Variants in COL4A3 observed in about 807,000 individuals in gnomAD.
COL4A3 encodes the protein collagen type IV alpha 3 chain.
A neutral mutation model predicts 217.4 loss-of-function variants in COL4A3; 135 were observed. The ratio of observed to expected loss-of-function variants is 0.62; its 90% CI spans 0.54 to 0.72. COL4A3 has a LOEUF of 0.72. Among genes scored for constraint, COL4A3 ranks in the 30% least tolerant of loss-of-function variants. COL4A3 has a pLI of 0.00. For synonymous variants in COL4A3, 690 were observed against 736.3 expected, an observed-to-expected ratio of 0.94 and a Z score of 1.02; for missense variants, 1,868 against 2,119.9, an observed-to-expected ratio of 0.88 and a Z score of 2.33.
At chr2:227,231,364 T>A (rs2068395854) in intron 1 of COL4A3, among the ~76,000 whole-genome samples, 1 of 140,890 alleles carries the variant, frequency 7.1e-6, no homozygotes, top group African/African-American at 2.6e-5. Flanking sequence ...TTATTTTTTA[T>A]ATTATTTAAA....
chr2:227,293,740 C>T (rs1391107502), intron 38 of COL4A3: 1 of 471,348 alleles, frequency 2.1e-6, no homozygotes, highest in African/African-American at 2.0e-5. Flanking sequence ...TATTTTCTCA[C>T]AGTTCCAGCA....
At chr2:227,227,578 T>G (rs915435544) in intron 1 of COL4A3, among the ~76,000 whole-genome samples, 2 of 152,048 alleles carry the variant, frequency 1.3e-5, no homozygotes, top group African/African-American at 4.8e-5. Flanking sequence ...AGAATATGAC[T>G]GACCCTGGGT....
intron 19 of COL4A3, 143 bp downstream of exon 19, chr2:227,260,020 T>C (rs1295181508): frequency 6.5e-6 from 5 of 769,802 alleles, no homozygotes; most frequent in African/African-American, 1.7e-5. Context: ...GTGTTATTTT[T>C]TGATGTCTCC....
intron 1 of COL4A3, among the ~76,000 whole-genome samples, chr2:227,202,955 A>G (rs867177357): frequency 7.8e-4 from 13 of 16,664 alleles, no homozygotes; most frequent in Admixed American, 2.7e-3. Flanking sequence ...GTATATATAC[A>G]TATATGTGTA....
chr2:227,310,876 G>A lies in COL4A3; in HGVS notation c.4856G>A (p.Arg1619Lys). ...AGCCCATTTCTAGAATGTCATGGAA[G>A]AGGAACGTGCAACTACTATTCAAAT... ...RASPFLECHG[R>K]GTCNYYSNSY... The change falls in exon 51 of 52, where the codon AGA becomes AAA. Residue 1619 changes from arginine to lysine, a missense_variant. By Grantham distance (26) the Arg-to-Lys change is conservative. Transcript: ENST00000396578. 6.2e-7 allele frequency: 1 copy of A among 1,614,154 alleles called. No homozygotes were observed. Among genetic ancestry groups the A allele is most frequent in the Non-Finnish European group, 8.5e-7 (1 of 1,180,022 alleles).
intron 20 of COL4A3, 44 bp downstream of exon 20, chr2:227,261,161 A>G: frequency 6.8e-7 from 1 of 1,478,788 alleles, no homozygotes; most frequent in Non-Finnish European, 9.4e-7. Flanking sequence ...TGCTATTACA[A>G]AGGAAAATAA....
At chr2:227,306,570 AATTTGG>A (rs1245280645) in intron 47 of COL4A3, among the ~76,000 whole-genome samples, 1 of 152,110 alleles carries the variant, frequency 6.6e-6, no homozygotes, top group Non-Finnish European at 1.5e-5. Context: ...CAGACCGGAG[AATTTGG>A]ATGTGGCCTA....
intron 3 of COL4A3, among the ~76,000 whole-genome samples, chr2:227,242,272 T>C (rs1308834870): frequency 6.6e-6 from 1 of 152,170 alleles, no homozygotes; most frequent in Non-Finnish European, 1.5e-5. Context: ...TGGGAACATT[T>C]ATCAGTTTAT....
chr2:227,204,750 A>G lies in COL4A3; in HGVS notation c.88-33218A>G, dbSNP rs192773202. On this transcript the variant is annotated intron_variant, in intron 1 of 51. Coordinates refer to ENST00000396578, the MANE Select transcript of COL4A3 (RefSeq NM_000091.5). ...CTTAAGCCGTTCATGCGTAGCTTCC[A>G]TATTTAGTCAGGGAAACCTAAAATA... is the stretch of plus-strand genomic sequence containing the variant. Among the ~76,000 whole-genome samples the G allele has an allele frequency of 4.9e-3, 740 of 152,352 alleles. 7 individuals are homozygous for G. Among genetic ancestry groups the G allele is most frequent in the Non-Finnish European group, 8.2e-3 (561 of 68,032 alleles).
chr2:227,287,386 G>A (rs1018002930), intron 34 of COL4A3, among the ~76,000 whole-genome samples: 3 of 151,646 alleles, frequency 2.0e-5, no homozygotes, highest in Admixed American at 2.0e-4. Context: ...AGCTGAGATT[G>A]TGCCACTGCA....
chr2:227,230,341 C>T (rs7562613), intron 1 of COL4A3, among the ~76,000 whole-genome samples: 48,732 of 151,912 alleles, frequency 0.32, 8,245 homozygotes, highest in Non-Finnish European at 0.36. Context: ...TTCCTGATGG[C>T]AGGAGGGGGT....
rs193137207 is a variant in COL4A3, at chr2:227,175,483, A to T, written c.87+10670A>T. On this transcript the variant is annotated intron_variant, in intron 1 of 51. Transcript: ENST00000396578. The stretch of plus-strand genomic sequence containing the variant: ...AAGACTCCATCTCAAAAAATGAAAT[A>T]AAAAAAACCAAGACAAACAGAGCTT... Among the ~76,000 whole-genome samples the T allele has an allele frequency of 1.5e-4, 23 of 152,176 alleles. 1 individual carries two copies. Among genetic ancestry groups the T allele is most frequent in the East Asian group, 3.9e-4 (2 of 5,184 alleles).
In COL4A3 at chr2:227,222,122, CTAATAA is replaced by C. The variant is rs367763401; in HGVS notation, c.88-15808_88-15803del. On this transcript the variant is annotated intron_variant, in intron 1 of 51. Coordinates refer to ENST00000396578, the MANE Select transcript of COL4A3 (RefSeq NM_000091.5). ...TGGACAACATACGGAGACACTGTCT[CTAATAA>C]TAATAATAATAATAATAATAATAAT... Among the ~76,000 whole-genome samples, 442 of 105,264 alleles carry C rather than the reference CTAATAA, an allele frequency of 4.2e-3. 2 individuals carry two copies. Among genetic ancestry groups the C allele is most frequent in the African/African-American group, 0.011 (320 of 30,210 alleles). 69.1% of individuals were successfully genotyped at this position (105,264 alleles called of 152,430 possible). A position where few individuals can be genotyped will look rare whatever the true frequency, so the allele number is the denominator to read the frequency against.
At chr2:227,298,260 G>A (rs1386395471) in intron 42 of COL4A3, among the ~76,000 whole-genome samples, 2 of 152,198 alleles carry the variant, frequency 1.3e-5, no homozygotes, top group Admixed American at 6.5e-5. Context: ...GCTGAGATGG[G>A]AGAACCTCTT....
chr2:227,289,144 C>G lies in COL4A3; in HGVS notation c.2882-6C>G. The G allele has an allele frequency of 6.2e-7, 1 of 1,611,318 alleles. No homozygotes were observed. Among genetic ancestry groups the G allele is most frequent in the Non-Finnish European group, 8.5e-7 (1 of 1,178,452 alleles). On this transcript the variant is annotated splice_polypyrimidine_tract_variant and splice_region_variant and intron_variant, in intron 34 of 51. Coordinates refer to ENST00000396578, the MANE Select transcript of COL4A3 (RefSeq NM_000091.5). ...TTTCTTGTTAATACCTGGTTTCTAACTTCAGGATTCGCAGGAAATCCAGGT... is the reference window on the plus strand; with the variant it reads ...TTTCTTGTTAATACCTGGTTTCTAAGTTCAGGATTCGCAGGAAATCCAGGT...
At chr2:227,170,202 T>G (rs2065425789) in intron 1 of COL4A3, among the ~76,000 whole-genome samples, 1 of 150,984 alleles carries the variant, frequency 6.6e-6, no homozygotes, top group South Asian at 2.1e-4. Flanking sequence ...TTATTGAATT[T>G]TCTTATTTAA....
At chr2:227,268,370 CCT>C (rs1231327456) in intron 23 of COL4A3, 2 of 152,352 alleles carry the variant, frequency 1.3e-5, no homozygotes, top group African/African-American at 4.8e-5. Flanking sequence ...GCCTGCATCC[CCT>C]GACTGCGGTG....
chr2:227,205,994 T>TG (rs1447811893), intron 1 of COL4A3, among the ~76,000 whole-genome samples: 1 of 152,106 alleles, frequency 6.6e-6, no homozygotes, highest in East Asian at 1.9e-4. Flanking sequence ...CTGGGAAACT[T>TG]GCAAAAATAC....
At chr2:227,256,608 T>A (rs1180879489) in intron 17 of COL4A3, 1 of 733,292 alleles carries the variant, frequency 1.4e-6, no homozygotes, top group African/African-American at 1.7e-5. Flanking sequence ...ACTTGTACTG[T>A]GTACTTGAAG....
Sources: gnomAD v4.1 joint callset for allele counts (sites outside exome capture counted in the v4.1 genomes callset) on GRCh38, gnomAD v4.1.1 for gene constraint, MANE v1.5 for transcripts, NCBI Gene and HGNC (gene_info 2026-07-23, HGNC 2026-07-21) for gene names.